The following AGO4 variants were observed in gnomAD, a reference collection of about 807,000 sequenced individuals.
AGO4 encodes argonaute RISC component 4.
In AGO4, 33 loss-of-function variants were observed where a neutral mutation model predicts 104.7. The observed-to-expected ratio is 0.32, with a 90% CI of 0.24 to 0.42. The LOEUF (loss-of-function observed/expected upper bound fraction) is 0.42. Ranked by LOEUF, AGO4 falls within the 10% of genes least tolerant of loss-of-function variation. AGO4 has a pLI of 1.00. For missense variants in AGO4, 711 were observed against 1,083.4 expected (o/e 0.66, Z 4.83); for synonymous variants, 331 against 364.7 (o/e 0.91, Z 1.05).
Position 35,831,906 on chromosome 1 carries a change from A to T in AGO4, c.1091A>T (p.Asp364Val). 1 of 1,614,098 alleles carries T rather than the reference A, an allele frequency of 6.2e-7. No homozygotes were observed. Among genetic ancestry groups the T allele is most frequent in the Non-Finnish European group, 8.5e-7 (1 of 1,179,964 alleles). ...MIKATARSAPDRQEEISRLVK... is the reference protein window; with the variant it reads ...MIKATARSAPVRQEEISRLVK... The stretch of plus-strand genomic sequence containing the variant: ...AAAGCTACAGCAAGATCTGCTCCTG[A>T]CAGACAGGAAGAGATCAGTAGACTG... The change falls in exon 9 of 18, where the codon GAC becomes GTC. Residue 364 changes from aspartate (D) to valine (V), a missense_variant. Asp to Val is a radical substitution (Grantham distance 152, BLOSUM62 -3). Transcript: ENST00000373210.
At chr1:35,824,380 G>T (rs1643960756) in intron 3 of AGO4, among the ~76,000 whole-genome samples, 1 of 151,374 alleles carries the variant, frequency 6.6e-6, no homozygotes, top group Non-Finnish European at 1.5e-5. Flanking sequence ...GTCACTCTAT[G>T]ATTTGCTTTT....
chr1:35,832,378 T>C (rs1018790806), intron 10 of AGO4, 59 bp from the exon 11 acceptor site: 13 of 1,518,166 alleles, frequency 8.6e-6, no homozygotes, highest in East Asian at 2.3e-5. Context: ...GATTGTAATG[T>C]CTTTTCTCTT....
chr1:35,811,160 C>A lies in AGO4; in HGVS notation c.19+2725C>A, dbSNP rs141453940. ...AACAAAACAAAACAACAAAAAAAAA[C>A]CAACCAAACCACAACAAAAAAACAC... On this transcript the variant is annotated intron_variant, in intron 1 of 17. Coordinates refer to ENST00000373210, the MANE Select transcript of AGO4 (RefSeq NM_017629.4). Among the ~76,000 whole-genome samples the A allele has an allele frequency of 3.0e-3, 454 of 151,268 alleles. 4 individuals carry two copies. Among genetic ancestry groups the A allele is most frequent in the African/African-American group, 9.3e-3 (381 of 41,130 alleles).
Position 35,855,656 on chromosome 1 carries a change from T to G in AGO4, c.*2051T>G, listed in dbSNP as rs1346370676. ...TGTTAATTTCTTAAAATTTTCCTTT[T>G]TTTTTTTTTTTTTTGCAAATACCTC... On this transcript the variant is annotated 3_prime_UTR_variant, in exon 18 of 18. Transcript: ENST00000373210. 6.6e-6 allele frequency: 1 copy of G among 151,126 alleles called. No individual in the cohort carries two copies. Among genetic ancestry groups the G allele is most frequent in the African/African-American group, 2.4e-5 (1 of 41,220 alleles). 9.4% of individuals were successfully genotyped at this position (151,126 alleles called of 1,614,324 possible).
At chr1:35,809,678 G>A (rs1643435365) in intron 1 of AGO4, among the ~76,000 whole-genome samples, 1 of 152,102 alleles carries the variant, frequency 6.6e-6, no homozygotes, top group African/African-American at 2.4e-5. Flanking sequence ...ACATGCTCAG[G>A]TCTTTAGGAA....
At chr1:35,814,429 A>G (rs530098996) in intron 1 of AGO4, among the ~76,000 whole-genome samples, 11 of 151,870 alleles carry the variant, frequency 7.2e-5, no homozygotes, top group African/African-American at 2.4e-4. Context: ...TACATTAGGT[A>G]TATCTCCTAA....
At chr1:35,824,808 A>C (rs1319279598) in intron 3 of AGO4, among the ~76,000 whole-genome samples, 2 of 152,098 alleles carry the variant, frequency 1.3e-5, no homozygotes, top group African/African-American at 4.8e-5. Context: ...CTCAAAAAAA[A>C]CTTATGATGT....
intron 1 of AGO4, among the ~76,000 whole-genome samples, chr1:35,810,464 C>T (rs777913581): frequency 7.2e-5 from 11 of 152,140 alleles, no homozygotes; most frequent in Admixed American, 3.9e-4. Flanking sequence ...CTCCCTGCAA[C>T]CTAGTTCAGT....
At chr1:35,828,104 A>C (rs1263677909) in intron 7 of AGO4, among the ~76,000 whole-genome samples, 4 of 152,112 alleles carry the variant, frequency 2.6e-5, no homozygotes, top group Non-Finnish European at 4.4e-5. Context: ...ATATCATATA[A>C]GGCTGTCAGG....
At chr1:35,822,817 C>T in intron 2 of AGO4, 45 bp from the exon 3 acceptor site, 2 of 1,608,418 alleles carry the variant, frequency 1.2e-6, no homozygotes, top group East Asian at 2.2e-5. Context: ...TCTTACTGTT[C>T]ACCATTTCTG....
intron 12 of AGO4, 97 bp downstream of exon 12, chr1:35,834,271 T>C: frequency 2.8e-6 from 3 of 1,084,284 alleles, no homozygotes; most frequent in Non-Finnish European, 3.7e-6. Context: ...AACCTCAAAC[T>C]CTCAGTGGTT....
intron 1 of AGO4, among the ~76,000 whole-genome samples, chr1:35,810,264 C>G (rs1037475257): frequency 3.9e-5 from 6 of 152,182 alleles, no homozygotes; most frequent in Non-Finnish European, 8.8e-5. Context: ...AAGTAGCTGC[C>G]TGCTAAGCAT....
chr1:35,850,864 G>A lies in AGO4; in HGVS notation c.2288G>A (p.Arg763His). ...AAACTCTCTCCTCAGGGAACCAGCC[G>A]TCCCTCACATTACCAGGTCTTGTGG... The part of the protein sequence containing the change: ...CSHAGIQGTS[R>H]PSHYQVLWDD... The change falls in exon 17 of 18, where the codon CGT becomes CAT. Residue 763 changes from arginine to histidine, a missense_variant. By Grantham distance (29) the Arg-to-His change is conservative. Around this residue, in one of 3 missense-constraint regions of AGO4, gnomAD observed 401 missense variants for 665.5 expected, o/e 0.60. Coordinates refer to ENST00000373210, the MANE Select transcript of AGO4 (RefSeq NM_017629.4). 3 of 1,586,078 alleles carry A rather than the reference G, an allele frequency of 1.9e-6. No homozygotes were observed. Among genetic ancestry groups the A allele is most frequent in the African/African-American group, 1.4e-5 (1 of 72,024 alleles).
intron 13 of AGO4, among the ~76,000 whole-genome samples, chr1:35,839,128 G>T (rs1475048181): frequency 6.6e-6 from 1 of 151,886 alleles, no homozygotes; most frequent in Non-Finnish European, 1.5e-5. Flanking sequence ...CCACAGGTGT[G>T]CACCACCACG....
In AGO4 at chr1:35,846,434, A is replaced by G. The variant is rs557197535; in HGVS notation, c.2176-3723A>G. ...ACCACGGTGAAACCCTGTCTCTACT[A>G]AAAATACAAAAAATTAGCCGGATGT... On this transcript the variant is annotated intron_variant, in intron 15 of 17. Coordinates refer to ENST00000373210, the MANE Select transcript of AGO4 (RefSeq NM_017629.4). Among the ~76,000 whole-genome samples, 12 of 151,964 alleles carry G rather than the reference A, an allele frequency of 7.9e-5. No individual in the cohort carries two copies. In the South Asian group the frequency reaches 2.3e-3, roughly 29 times the overall value.
intron 1 of AGO4, among the ~76,000 whole-genome samples, chr1:35,809,314 C>A (rs997227656): frequency 6.6e-6 from 1 of 152,196 alleles, no homozygotes; most frequent in Non-Finnish European, 1.5e-5. Context: ...CAACAGGTTT[C>A]TAATGCCTTG....
At position 35,808,083 on chromosome 1, in the gene AGO4, T is replaced by C. The variant is rs181835216; in HGVS notation, c.-334T>C. The C allele has an allele frequency of 2.7e-5, 4 of 148,754 alleles. No individual in the cohort carries two copies. Among genetic ancestry groups the C allele is most frequent in the Non-Finnish European group, 4.5e-5 (3 of 66,544 alleles). 9.2% of individuals were successfully genotyped at this position (148,754 alleles called of 1,614,324 possible). A position where few individuals can be genotyped will look rare whatever the true frequency, so the allele number is the denominator to read the frequency against. ...CGCGCCCGGGGCCGCGCACGCCCCC[T>C]CCGCCCGCCGGGACCCTGGGTCCGC... On this transcript the variant is annotated 5_prime_UTR_variant, in exon 1 of 18. Coordinates refer to ENST00000373210, the MANE Select transcript of AGO4 (RefSeq NM_017629.4). This position sits in a 1 kb window ranked among gnomAD's most constrained non-coding sequence, Gnocchi z 5.2.
rs1644777439 is a variant in AGO4, at chr1:35,854,495, A to G, written c.*890A>G. On this transcript the variant is annotated 3_prime_UTR_variant, in exon 18 of 18. Coordinates refer to ENST00000373210, the MANE Select transcript of AGO4 (RefSeq NM_017629.4). ...TCATAGAAACTTAACTTTGGCAATA[A>G]ACATTTTTTAAGGTCTCTCCTCTTC... 6.5e-6 allele frequency: 1 copy of G among 152,682 alleles called. No homozygotes were observed. Among genetic ancestry groups the G allele is most frequent in the South Asian group, 2.1e-4 (1 of 4,836 alleles). The allele number at this position is 152,682 out of a possible 1,614,324, so 9.5% of individuals were successfully genotyped here. A position where few individuals can be genotyped will look rare whatever the true frequency, so the allele number is the denominator to read the frequency against.
intron 15 of AGO4, among the ~76,000 whole-genome samples, chr1:35,845,781 C>T (rs1001585795): frequency 1.3e-5 from 2 of 152,160 alleles, no homozygotes; most frequent in Non-Finnish European, 2.9e-5. Flanking sequence ...AGGCCAAAAA[C>T]AACAACAAAA....
Sources: gnomAD v4.1 joint callset for allele counts (sites outside exome capture counted in the v4.1 genomes callset) on GRCh38, gnomAD v4.1.1 for gene constraint, gnomAD v4.1.1 regional missense constraint, Gnocchi (gnomAD v3.1) non-coding constraint, MANE v1.5 for transcripts, NCBI Gene and HGNC (gene_info 2026-07-23, HGNC 2026-07-21) for gene names.